Variants in TP53BP1 observed in about 807,000 individuals in gnomAD.
The protein encoded by TP53BP1 is tumor protein p53 binding protein 1, also known as TP53-binding protein 1.
A neutral mutation model predicts 200.8 loss-of-function variants in TP53BP1; 61 were observed. The observed-to-expected ratio is 0.30, with a 90% CI of 0.25 to 0.38. TP53BP1 has a LOEUF of 0.38. Ranked by LOEUF, TP53BP1 falls within the 10% of genes least tolerant of loss-of-function variation. The pLI is 1.00. For synonymous variants in TP53BP1, 822 were observed against 844.3 expected, an observed-to-expected ratio of 0.97 and a Z score of 0.46; for missense variants, 2,144 against 2,371.9, an observed-to-expected ratio of 0.90 and a Z score of 2.00.
intron 4 of TP53BP1, among the ~76,000 whole-genome samples, chr15:43,490,086 T>A (rs1158112185): frequency 2.6e-5 from 4 of 151,816 alleles, no homozygotes; most frequent in African/African-American, 9.7e-5. Context: ...CTATTTTTTT[T>A]TTTATTATTT....
At chr15:43,495,694 G>A (rs1447772698), upstream of TP53BP1, among the ~76,000 whole-genome samples, 1 of 151,672 alleles carries the variant, frequency 6.6e-6, no homozygotes, top group Non-Finnish European at 1.5e-5. Context: ...GCAGGCGCCT[G>A]TAGTCCCAGC....
chr15:43,427,392 G>A (rs1440907584), intron 18 of TP53BP1, among the ~76,000 whole-genome samples: 1 of 152,192 alleles, frequency 6.6e-6, no homozygotes, highest in East Asian at 1.9e-4. Flanking sequence ...CTCCATTTGA[G>A]TTTCTAAGGA....
chr15:43,464,529 G>A (rs2046518914), intron 11 of TP53BP1, among the ~76,000 whole-genome samples: 1 of 152,064 alleles, frequency 6.6e-6, no homozygotes, highest in Non-Finnish European at 1.5e-5. Context: ...TAGCCAAAAG[G>A]GGAAACAACC....
intron 18 of TP53BP1, among the ~76,000 whole-genome samples, chr15:43,424,248 T>A (rs936649730): frequency 2.0e-5 from 3 of 152,206 alleles, no homozygotes; most frequent in African/African-American, 7.2e-5. Context: ...TTACAGACCA[T>A]TTCTATTTCC....
At chr15:43,429,230 G>C (rs541630649) in intron 17 of TP53BP1, among the ~76,000 whole-genome samples, 3 of 152,124 alleles carry the variant, frequency 2.0e-5, no homozygotes, top group Admixed American at 6.5e-5. Context: ...TTACCACCTC[G>C]AATCATTAGT....
rs1437219859 is a variant in TP53BP1 at position 43,408,970 on chromosome 15, T to C, written c.5527A>G (p.Asn1843Asp). 1 of 1,614,212 alleles carries C rather than the reference T, an allele frequency of 6.2e-7. No homozygotes were observed. The change falls in exon 26 of 28, where the codon AAC (asparagine) becomes GAC (aspartate). Residue 1843 changes from asparagine to aspartate, a missense_variant. Asn to Asp is a conservative substitution (Grantham distance 23). Transcript: ENST00000382044. ...HVWVHDSCHANQLQNYRNYLL... is the reference protein window; with the variant it reads ...HVWVHDSCHADQLQNYRNYLL... ...TAATTACGGTAGTTCTGGAGCTGGT[T>C]GGCATGGCAACTATCATGGACCCAG...
chr15:43,475,620 G>A lies in TP53BP1; in HGVS notation c.1030C>T (p.Leu344=), dbSNP rs769396319. Residue 344 remains leucine, a synonymous_variant, in exon 9 of 28, where the codon CTG becomes TTG. Coordinates refer to ENST00000382044, the MANE Select transcript of TP53BP1 (RefSeq NM_001141980.3). ...TGACCAGAGAGCTGCAGGAGATGCA[G>A]AGTGGTGGCAGGAGTGGAAGCCAAA... ...CSLASTPATT[L]HLLQLSGQRS... is the part of the protein sequence containing the mutation. The A allele has an allele frequency of 1.2e-6, 2 of 1,614,138 alleles. No individual in the cohort carries two copies. Among genetic ancestry groups the A allele is most frequent in the Non-Finnish European group, 1.7e-6 (2 of 1,180,040 alleles).
In TP53BP1 at chr15:43,456,340, T is replaced by C. The variant is rs774147529; in HGVS notation, c.2268A>G (p.Ser756=). Reference sequence around the variant, plus strand: ...CTACAATGACAACACTGGAGTCCTCTGAAGTAGCTTCTTCCCAAGCTTCCT... The same window carrying C: ...CTACAATGACAACACTGGAGTCCTCCGAAGTAGCTTCTTCCCAAGCTTCCT... The part of the protein sequence containing the change: ...KEQEAWEEAT[S]EDSSVVIVDV... Residue 756 remains serine, a synonymous_variant, in exon 12 of 28, where the codon TCA becomes TCG. Transcript: ENST00000382044. 9.3e-6 allele frequency: 15 copies of C among 1,612,714 alleles called. No individual in the cohort carries two copies. In the South Asian group the frequency reaches 1.3e-4, roughly 14 times the overall value.
At position 43,406,970 on chromosome 15, in the gene TP53BP1, G is replaced by T. The variant is rs1595511440; in HGVS notation, c.*413C>A. The T allele has an allele frequency of 1.8e-5, 4 of 226,408 alleles. No individual in the cohort carries two copies. In the East Asian group the frequency reaches 4.5e-4, roughly 25 times the overall value. 14.0% of individuals were successfully genotyped at this position (226,408 alleles called of 1,614,324 possible). ...TGTGCCCAATTCCACTCAACTTTTGGCACAACTGTTAATCTGGGCCTTCAC... is the reference window on the plus strand; with the variant it reads ...TGTGCCCAATTCCACTCAACTTTTGTCACAACTGTTAATCTGGGCCTTCAC... On this transcript the variant is annotated 3_prime_UTR_variant, in exon 28 of 28. Transcript: ENST00000382044.
rs193220357 is a variant in TP53BP1, at chr15:43,408,097, G to A, written c.5601-9C>T. On this transcript the variant is annotated splice_polypyrimidine_tract_variant and intron_variant, in intron 26 of 27. Coordinates refer to ENST00000382044, the MANE Select transcript of TP53BP1 (RefSeq NM_001141980.3). ...GATTTTCACGGGGTTGCCTATGAAG[G>A]AGACAGGAAAGGACCTTAGCATGAC... 6.2e-7 allele frequency: 1 copy of A among 1,613,418 alleles called. No homozygotes were observed. Among genetic ancestry groups the A allele is most frequent in the South Asian group, 1.1e-5 (1 of 90,936 alleles).
rs963586566 is a variant in TP53BP1 at position 43,404,765 on chromosome 15, T to C, written c.*2618A>G. On this transcript the variant is annotated 3_prime_UTR_variant, in exon 28 of 28. Transcript: ENST00000382044. ...CATAAAATACTAAAAAACCTGACAG[T>C]GAGATAGGTGTTAAGTCCTTTGCTA... 1 of 582,738 alleles carries C rather than the reference T, an allele frequency of 1.7e-6. No homozygotes were observed. Among genetic ancestry groups the C allele is most frequent in the African/African-American group, 1.9e-5 (1 of 53,668 alleles). 36.1% of individuals were successfully genotyped at this position (582,738 alleles called of 1,614,324 possible). A position where few individuals can be genotyped will look rare whatever the true frequency, so the allele number is the denominator to read the frequency against.
chr15:43,493,829 T>C (rs568790824), upstream of TP53BP1, among the ~76,000 whole-genome samples: 110 of 152,344 alleles, frequency 7.2e-4, no homozygotes, highest in South Asian at 0.02. Context: ...TTATCTTTTA[T>C]GGGATTGCCT....
At chr15:43,480,831 T>A in intron 5 of TP53BP1, 64 bp downstream of exon 5, 1 of 1,568,890 alleles carries the variant, frequency 6.4e-7, no homozygotes, top group Admixed American at 1.7e-5. Context: ...AATTTAGACA[T>A]CTGCACAATC....
chr15:43,445,471 G>T (rs1014272066), intron 14 of TP53BP1, among the ~76,000 whole-genome samples: 1 of 151,844 alleles, frequency 6.6e-6, no homozygotes, highest in African/African-American at 2.4e-5. Context: ...CCCTTAAACA[G>T]CTTTTACAAA....
At chr15:43,505,837 A>G (rs1249283465) in intron 1 of TP53BP1, among the ~76,000 whole-genome samples, 1 of 152,184 alleles carries the variant, frequency 6.6e-6, no homozygotes, top group Non-Finnish European at 1.5e-5. Context: ...GCTGGTATGC[A>G]TTATGATCAT....
chr15:43,481,760 A>G (rs1403158695), intron 4 of TP53BP1, among the ~76,000 whole-genome samples: 1 of 150,452 alleles, frequency 6.6e-6, no homozygotes, highest in Non-Finnish European at 1.5e-5. Flanking sequence ...GGTTGCAGTG[A>G]GCCGAGATCG....
In TP53BP1 at chr15:43,492,340, T is replaced by C. The variant is rs773657600; in HGVS notation, c.136A>G (p.Ser46Gly). The change falls in exon 2 of 28, where the codon AGT (serine) becomes GGT (glycine). Residue 46 changes from serine (S) to glycine (G), a missense_variant. Around this residue, in one of 4 missense-constraint regions of TP53BP1, gnomAD observed 1,700 missense variants for 1,710.3 expected, o/e 0.99. Coordinates refer to ENST00000382044, the MANE Select transcript of TP53BP1 (RefSeq NM_001141980.3). ...VLEDDSGSHF[S>G]MLSRHLPNLQ... Reference sequence around the variant, plus strand: ...TTAGGAAGGTGTCGAGATAGCATACTGAAGTGAGAACCAGAATCATCCTCT... The same window carrying C: ...TTAGGAAGGTGTCGAGATAGCATACCGAAGTGAGAACCAGAATCATCCTCT... The C allele has an allele frequency of 3.1e-6, 5 of 1,614,174 alleles. No homozygotes were observed. In the East Asian group the frequency reaches 1.1e-4, roughly 36 times the overall value.
intron 20 of TP53BP1, 94 bp from the exon 21 acceptor site, chr15:43,420,829 C>T: frequency 7.5e-7 from 1 of 1,330,416 alleles, no homozygotes. Flanking sequence ...CATGGGTCTC[C>T]TCAGCCCATT....
At chr15:43,457,325 A>C (rs2046324462) in intron 11 of TP53BP1, 107 bp from the exon 12 acceptor site, 3 of 1,028,100 alleles carry the variant, frequency 2.9e-6, no homozygotes, top group Non-Finnish European at 4.0e-6. Context: ...TTTCTAAATC[A>C]AATTTTTAAA....
Sources: gnomAD v4.1 joint callset for allele counts (sites outside exome capture counted in the v4.1 genomes callset) on GRCh38, gnomAD v4.1.1 for gene constraint, gnomAD v4.1.1 regional missense constraint, MANE v1.5 for transcripts, NCBI Gene and HGNC (gene_info 2026-07-23, HGNC 2026-07-21) for gene names.